The following CYB5R4 variants were observed in gnomAD, a reference collection of about 807,000 sequenced individuals.
CYB5R4 encodes the protein cytochrome b5 reductase 4, also known as N-terminal cytochrome b5 and cytochrome b5 oxidoreductase domain-containing protein.
CYB5R4 carries 55 observed loss-of-function variants against 70.2 expected under a neutral mutation model. The observed-to-expected ratio is 0.78, with a 90% CI of 0.63 to 0.98. The LOEUF is 0.98. Ranked by LOEUF, CYB5R4 falls within the 50% of genes least tolerant of loss-of-function variation. CYB5R4 has a pLI of 0.00. For synonymous variants in CYB5R4, 197 were observed against 199.5 expected, an observed-to-expected ratio of 0.99 and a Z score of 0.11; for missense variants, 562 against 612.6, an observed-to-expected ratio of 0.92 and a Z score of 0.87.
At chr6:83,947,156 A>T (rs1296831537) in intron 14 of CYB5R4, among the ~76,000 whole-genome samples, 2 of 152,196 alleles carry the variant, frequency 1.3e-5, no homozygotes, top group African/African-American at 4.8e-5. Flanking sequence ...ACTTCAAACT[A>T]TACTGCAAGG....
intron 7 of CYB5R4, among the ~76,000 whole-genome samples, chr6:83,920,275 A>G (rs945411471): frequency 2.0e-5 from 3 of 152,152 alleles, no homozygotes; most frequent in Non-Finnish European, 2.9e-5. Flanking sequence ...TAGCAGAACC[A>G]TGTCTGAACC....
chr6:83,921,690 G>A (rs916908168), intron 8 of CYB5R4, among the ~76,000 whole-genome samples: 4 of 152,056 alleles, frequency 2.6e-5, no homozygotes, highest in African/African-American at 9.7e-5. Context: ...TAGAAACCAG[G>A]GAACCCTACA....
In CYB5R4 at chr6:83,859,753, C is replaced by G. The variant is rs1260105181; in HGVS notation, c.-30C>G. 6.2e-7 allele frequency: 1 copy of G among 1,610,758 alleles called. No individual in the cohort carries two copies. Among genetic ancestry groups the G allele is most frequent in the Non-Finnish European group, 8.5e-7 (1 of 1,178,620 alleles). Reference sequence around the variant, plus strand: ...GTGCTGTCCCGTCTGGCGGCGATCCCCGGGCAGGGCCCGGGGCCGGGGTTT... The same window carrying G: ...GTGCTGTCCCGTCTGGCGGCGATCCGCGGGCAGGGCCCGGGGCCGGGGTTT... On this transcript the variant is annotated 5_prime_UTR_variant, in exon 1 of 16. Coordinates refer to ENST00000369681, the MANE Select transcript of CYB5R4 (RefSeq NM_016230.4).
At position 83,902,869 on chromosome 6, in the gene CYB5R4, G is replaced by A. The variant is rs146836458; in HGVS notation, c.331-6140G>A. Among the ~76,000 whole-genome samples, 473 of 152,118 alleles carry A rather than the reference G, an allele frequency of 3.1e-3. 4 individuals carry two copies. Among genetic ancestry groups the A allele is most frequent in the African/African-American group, 0.011 (455 of 41,544 alleles). On this transcript the variant is annotated intron_variant, in intron 3 of 15. Transcript: ENST00000369681. ...ATAGAAACACTGCTGAGTTTTGTATGTTGATTTTGTGTCTTGTAACTTTAC... is the reference window on the plus strand; with the variant it reads ...ATAGAAACACTGCTGAGTTTTGTATATTGATTTTGTGTCTTGTAACTTTAC...
At position 83,924,510 on chromosome 6, in the gene CYB5R4, A is replaced by G. The variant is rs372690710; in HGVS notation, c.732A>G (p.Leu244=). Residue 244 remains leucine, a synonymous_variant, in exon 10 of 16, where the codon CTA becomes CTG. Coordinates refer to ENST00000369681, the MANE Select transcript of CYB5R4 (RefSeq NM_016230.4). ...VESVGKIEIV[L]QKKENTSWDF... is the part of the protein sequence containing the mutation. ...GTGTGGGAAAAATAGAGATTGTTCT[A>G]CAAAAAAAAGAGAATACTTCTTGGG... The G allele has an allele frequency of 3.1e-6, 5 of 1,613,558 alleles. No homozygotes were observed. The highest frequency in any genetic ancestry group is 4.2e-6 in the Non-Finnish European group (5 of 1,179,720).
At chr6:83,894,193 A>G (rs1443537729) in intron 3 of CYB5R4, among the ~76,000 whole-genome samples, 1 of 152,186 alleles carries the variant, frequency 6.6e-6, no homozygotes, top group East Asian at 1.9e-4. Flanking sequence ...TTCCCCTTAT[A>G]TTTACTAAAA....
chr6:83,899,091 G>C (rs1340609511), intron 3 of CYB5R4, among the ~76,000 whole-genome samples: 2 of 152,170 alleles, frequency 1.3e-5, no homozygotes, highest in African/African-American at 4.8e-5. Flanking sequence ...GTATGATATT[G>C]GCTGTGGGTT....
At chr6:83,882,855 T>G (rs929476104) in intron 2 of CYB5R4, among the ~76,000 whole-genome samples, 1 of 152,032 alleles carries the variant, frequency 6.6e-6, no homozygotes, top group Non-Finnish European at 1.5e-5. Flanking sequence ...ATGCCTATAG[T>G]CTGAGCTACT....
At chr6:83,861,050 T>G (rs2099455854) in intron 1 of CYB5R4, among the ~76,000 whole-genome samples, 1 of 152,210 alleles carries the variant, frequency 6.6e-6, no homozygotes, top group South Asian at 2.1e-4. Flanking sequence ...TTCTCATTGG[T>G]TTTTGACCTA....
At chr6:83,869,942 T>C (rs1364304667) in intron 2 of CYB5R4, among the ~76,000 whole-genome samples, 1 of 152,226 alleles carries the variant, frequency 6.6e-6, no homozygotes, top group Non-Finnish European at 1.5e-5. Context: ...GCTGAAGTGC[T>C]GTGGCAAGAA....
chr6:83,864,080 G>T (rs879140729), intron 1 of CYB5R4, 95 bp from the exon 2 acceptor site: 2 of 1,135,182 alleles, frequency 1.8e-6, no homozygotes, highest in South Asian at 1.7e-5. Context: ...ACTGTAAAAG[G>T]ATTTATAGAA....
At position 83,921,106 on chromosome 6, in the gene CYB5R4, G is replaced by A. The variant is rs201466921; in HGVS notation, c.589G>A (p.Val197Ile). 1.1e-5 allele frequency: 17 copies of A among 1,526,292 alleles called. No individual in the cohort carries two copies. The East Asian group carries it at 3.8e-4, about 34-fold the overall frequency. The allele number at this position is 1,526,292 out of a possible 1,614,324, so 94.5% of individuals were successfully genotyped here. Reference protein sequence around the residue: ...QKDINLDSIIVDHQNDSFRAE... With the variant: ...QKDINLDSIIIDHQNDSFRAE... ...GGATATCAATTTAGACTCAATAATA[G>A]TTGATCATCAGAATGATTCCTTTAG... The change falls in exon 8 of 16, where the codon GTT becomes ATT. Residue 197 changes from valine to isoleucine, a missense_variant. Coordinates refer to ENST00000369681, the MANE Select transcript of CYB5R4 (RefSeq NM_016230.4).
chr6:83,948,119 C>T (rs1234688183), intron 14 of CYB5R4, among the ~76,000 whole-genome samples: 1 of 152,118 alleles, frequency 6.6e-6, no homozygotes, highest in Non-Finnish European at 1.5e-5. Flanking sequence ...TGGAACCAAC[C>T]TAAATGTCCA....
intron 2 of CYB5R4, among the ~76,000 whole-genome samples, chr6:83,881,173 C>A (rs976341688): frequency 6.6e-6 from 1 of 151,414 alleles, no homozygotes; most frequent in African/African-American, 2.4e-5. Context: ...TTTTCTTTTT[C>A]TTTCTTTTTT....
intron 2 of CYB5R4, among the ~76,000 whole-genome samples, chr6:83,885,951 A>G (rs1181711886): frequency 6.6e-6 from 1 of 152,214 alleles, no homozygotes; most frequent in Non-Finnish European, 1.5e-5. Context: ...GTTAATAGCA[A>G]CATTCTTCAT....
At chr6:83,943,630 A>G (rs1410951608) in intron 14 of CYB5R4, among the ~76,000 whole-genome samples, 5 of 152,126 alleles carry the variant, frequency 3.3e-5, no homozygotes, top group Non-Finnish European at 7.4e-5. Flanking sequence ...ACAAATTGAC[A>G]GAAGTAGGCT....
At position 83,930,018 on chromosome 6, in the gene CYB5R4, T is replaced by A. The variant is rs139202155; in HGVS notation, c.815-4577T>A. Reference sequence around the variant, plus strand: ...GTTTCCCAGTGCATGTAAAATTATATTTACATTATACTTTAGTCTGTTAAG... The same window carrying A: ...GTTTCCCAGTGCATGTAAAATTATAATTACATTATACTTTAGTCTGTTAAG... On this transcript the variant is annotated intron_variant, in intron 10 of 15. Transcript: ENST00000369681. Among the ~76,000 whole-genome samples, 38 of 152,300 alleles carry A rather than the reference T, an allele frequency of 2.5e-4. No individual in the cohort carries two copies. In the East Asian group the frequency reaches 6.7e-3, roughly 27 times the overall value.
Position 83,922,809 on chromosome 6 carries a change from G to A in CYB5R4, c.691+339G>A, listed in dbSNP as rs920187874. Among the ~76,000 whole-genome samples, 3 of 151,528 alleles carry A rather than the reference G, an allele frequency of 2.0e-5. No individual in the cohort carries two copies. The East Asian group carries it at 5.8e-4, about 29-fold the overall frequency. On this transcript the variant is annotated intron_variant, in intron 9 of 15. Coordinates refer to ENST00000369681, the MANE Select transcript of CYB5R4 (RefSeq NM_016230.4). ...CCCCTTATTCCTTTTTTGTGTGTGA[G>A]ATGGGGTCTCACTCTGTCACCCAGG...
At position 83,936,364 on chromosome 6, in the gene CYB5R4, C is replaced by A. The variant is rs146405277; in HGVS notation, c.1096C>A (p.Arg366Ser). The A allele has an allele frequency of 1.9e-6, 3 of 1,610,904 alleles. No homozygotes were observed. In the African/African-American group the frequency reaches 4.0e-5, roughly 22 times the overall value. Residue 366 changes from arginine (R) to serine (S), a missense_variant, in exon 12 of 16, where the codon CGT (arginine) becomes AGT (serine). Arg to Ser is a moderately radical substitution (Grantham distance 110). Transcript: ENST00000369681. ...PTGLFTPELDRLQIGDFVSVS... is the reference protein window; with the variant it reads ...PTGLFTPELDSLQIGDFVSVS... ...TGGACTCTTCACACCAGAGCTTGAT[C>A]GTCTTCAGATTGGTTAGTATTTTTA...
Sources: gnomAD v4.1 joint callset for allele counts (sites outside exome capture counted in the v4.1 genomes callset) on GRCh38, gnomAD v4.1.1 for gene constraint, MANE v1.5 for transcripts, NCBI Gene and HGNC (gene_info 2026-07-23, HGNC 2026-07-21) for gene names.